Variants in OAT observed in about 807,000 individuals in gnomAD.
OAT encodes the protein ornithine aminotransferase, also known as ornithine aminotransferase, mitochondrial.
Under a neutral mutation model 48.4 loss-of-function variants are expected in OAT, and 35 were observed. The ratio of observed to expected loss-of-function variants is 0.72; its 90% CI spans 0.55 to 0.96. The LOEUF is 0.96. Among genes scored for constraint, OAT ranks in the 40% least tolerant of loss-of-function variants. OAT has a pLI of 0.00. For synonymous variants in OAT, 182 were observed against 198.4 expected (o/e 0.92, Z 0.70); for missense variants, 438 against 537.9 (o/e 0.81, Z 1.84).
intron 9 of OAT, among the ~76,000 whole-genome samples, chr10:124,398,871 C>T (rs1951314246): frequency 6.6e-6 from 1 of 151,402 alleles, no homozygotes; most frequent in African/African-American, 2.4e-5. Flanking sequence ...AAAAATTAGC[C>T]TGTCGTGGTG....
intron 9 of OAT, among the ~76,000 whole-genome samples, chr10:124,400,629 T>C (rs1951379484): frequency 6.6e-6 from 1 of 152,078 alleles, no homozygotes; most frequent in Non-Finnish European, 1.5e-5. Flanking sequence ...GACAGGCGCC[T>C]GTAATCCCAG....
At chr10:124,406,251 G>A (rs755762414) in intron 4 of OAT, 30 of 461,256 alleles carry the variant, frequency 6.5e-5, no homozygotes, top group Non-Finnish European at 8.5e-5. Flanking sequence ...TGCACTTTGG[G>A]AGGCCAAGGT....
intron 9 of OAT, among the ~76,000 whole-genome samples, chr10:124,399,513 T>A (rs907844244): frequency 2.6e-5 from 4 of 151,812 alleles, no homozygotes; most frequent in Admixed American, 2.0e-4. Flanking sequence ...GCCTGGCTAT[T>A]TTTTTGTATT....
At chr10:124,401,405 G>C (rs1951402976) in intron 8 of OAT, among the ~76,000 whole-genome samples, 1 of 152,172 alleles carries the variant, frequency 6.6e-6, no homozygotes, top group Non-Finnish European at 1.5e-5. Context: ...ACACTTGAAA[G>C]AAGACTTGCT....
At chr10:124,399,468 C>T (rs1365607402) in intron 9 of OAT, among the ~76,000 whole-genome samples, 1 of 151,256 alleles carries the variant, frequency 6.6e-6, no homozygotes, top group Non-Finnish European at 1.5e-5. Context: ...GCCTCAGCCT[C>T]CTGAGTAGCT....
intron 1 of OAT, chr10:124,414,050 TTAAAGA>T (rs1951841737): frequency 6.6e-6 from 1 of 151,050 alleles, no homozygotes; most frequent in Non-Finnish European, 1.5e-5. Flanking sequence ...AAAAAAAAGC[TTAAAGA>T]TAAATTCATG....
chr10:124,405,924 C>A, intron 4 of OAT: 2 of 1,154,190 alleles, frequency 1.7e-6, no homozygotes, highest in Non-Finnish European at 2.2e-6. Flanking sequence ...AGAGAAGGTG[C>A]ATTTATGATA....
chr10:124,398,902 A>G (rs1951315256), intron 9 of OAT, among the ~76,000 whole-genome samples: 1 of 152,050 alleles, frequency 6.6e-6, no homozygotes, highest in South Asian at 2.1e-4. Flanking sequence ...CTGTAGTCCC[A>G]GCTACTCAGG....
chr10:124,405,352 C>T, intron 5 of OAT, 84 bp downstream of exon 5: 1 of 1,587,038 alleles, frequency 6.3e-7, no homozygotes. Context: ...GCATTACTGT[C>T]ATATAATGTA....
intron 7 of OAT, among the ~76,000 whole-genome samples, chr10:124,402,402 G>A (rs886319891): frequency 6.6e-6 from 1 of 152,160 alleles, no homozygotes; most frequent in Admixed American, 6.5e-5. Context: ...TTCCAACGTC[G>A]AGATGAAATG....
chr10:124,402,867 T>TAC (rs1951450874), intron 7 of OAT, 60 bp downstream of exon 7: 1 of 1,597,454 alleles, frequency 6.3e-7, no homozygotes, highest in Admixed American at 1.7e-5. Flanking sequence ...GATGTATAAA[T>TAC]ACTTTAGGGG....
chr10:124,401,431 C>T (rs1179148011), intron 8 of OAT, among the ~76,000 whole-genome samples: 6 of 152,112 alleles, frequency 3.9e-5, no homozygotes, highest in African/African-American at 1.2e-4. Flanking sequence ...AGCAAAAAGA[C>T]GGGTCTGGTA....
chr10:124,418,835 C>CT (rs1388606294), intron 1 of OAT, 38 bp downstream of exon 1: 1 of 152,336 alleles, frequency 6.6e-6, no homozygotes, highest in Non-Finnish European at 1.5e-5. Flanking sequence ...GGCCAGGGCC[C>CT]GAACCAGAGC....
rs375060243 is a variant in OAT at position 124,402,910 on chromosome 10, G to T, written c.900+17C>A. The T allele has an allele frequency of 1.2e-6, 2 of 1,612,908 alleles. No homozygotes were observed. The highest frequency in any genetic ancestry group is 1.3e-5 in the African/African-American group (1 of 74,984). Reference sequence around the variant, plus strand: ...TACAAGAGTAGGAAATGGAAAGAGGGGGAACATGAAACTTACAGGGTATAA... The same window carrying T: ...TACAAGAGTAGGAAATGGAAAGAGGTGGAACATGAAACTTACAGGGTATAA... On this transcript the variant is annotated intron_variant, in intron 7 of 9. Coordinates refer to ENST00000368845, the MANE Select transcript of OAT (RefSeq NM_000274.4).
intron 1 of OAT, among the ~76,000 whole-genome samples, chr10:124,418,637 C>G (rs1449397069): frequency 6.6e-6 from 1 of 152,170 alleles, no homozygotes; most frequent in Non-Finnish European, 1.5e-5. Context: ...CCCCTGCCCC[C>G]TGAAGCTGCG....
At chr10:124,417,433 C>A (rs1408577294) in intron 1 of OAT, among the ~76,000 whole-genome samples, 1 of 151,788 alleles carries the variant, frequency 6.6e-6, no homozygotes, top group East Asian at 1.9e-4. Context: ...TACAGGCGCG[C>A]ACCACGATGT....
chr10:124,413,827 G>A (rs576039143), intron 1 of OAT, among the ~76,000 whole-genome samples: 7 of 151,830 alleles, frequency 4.6e-5, no homozygotes, highest in South Asian at 4.2e-4. Context: ...TTACCCTGCC[G>A]CCCCATCACA....
intron 6 of OAT, among the ~76,000 whole-genome samples, chr10:124,403,594 A>C (rs1376314261): frequency 6.6e-6 from 1 of 152,210 alleles, no homozygotes; most frequent in Non-Finnish European, 1.5e-5. Flanking sequence ...AGAGACAGGA[A>C]AAAGTCTGCT....
intron 1 of OAT, among the ~76,000 whole-genome samples, chr10:124,413,267 T>TACACACACACAC (rs58272470): frequency 6.7e-5 from 9 of 134,684 alleles, no homozygotes; most frequent in South Asian, 2.6e-4. Flanking sequence ...CATAAATACA[T>TACACACACACAC]ACACACACAC....
Sources: gnomAD v4.1 joint callset for allele counts (sites outside exome capture counted in the v4.1 genomes callset) on GRCh38, gnomAD v4.1.1 for gene constraint, MANE v1.5 for transcripts, NCBI Gene and HGNC (gene_info 2026-07-23, HGNC 2026-07-21) for gene names.